The following CALN1 variants were observed in gnomAD, a reference collection of about 807,000 sequenced individuals.
CALN1 encodes the protein calcium-binding protein 8.
Under a neutral mutation model 30.6 loss-of-function variants are expected in CALN1, and 17 were observed. The ratio of observed to expected loss-of-function variants is 0.56; its 90% CI spans 0.38 to 0.83. The LOEUF (loss-of-function observed/expected upper bound fraction) is 0.83, where lower values mean the gene tolerates loss of function less well. CALN1 is among the 40% of genes least tolerant of loss of function. The pLI is 0.00. For missense variants in CALN1, 291 were observed against 354.9 expected, an observed-to-expected ratio of 0.82 and a Z score of 1.45; for synonymous variants, 156 against 131.4, an observed-to-expected ratio of 1.19 and a Z score of -1.28.
intron 3 of CALN1, among the ~76,000 whole-genome samples, chr7:72,131,502 C>T (rs190330145): frequency 6.6e-6 from 1 of 152,260 alleles, no homozygotes; most frequent in East Asian, 1.9e-4. Context: ...AATCTTGCTC[C>T]ATTCCCAGAT....
intron 5 of CALN1, among the ~76,000 whole-genome samples, chr7:71,817,499 TAC>T (rs1298450764): frequency 6.6e-6 from 1 of 152,226 alleles, no homozygotes; most frequent in African/African-American, 2.4e-5. Flanking sequence ...CAAATATATT[TAC>T]ATTTATTTGT....
At chr7:72,410,667 C>T (rs889699241) in intron 1 of CALN1, among the ~76,000 whole-genome samples, 3 of 152,196 alleles carry the variant, frequency 2.0e-5, no homozygotes, top group African/African-American at 7.2e-5. Context: ...AACCCTGGTT[C>T]TTCAAAATGA....
At chr7:72,203,979 C>CT (rs869149598) in intron 3 of CALN1, among the ~76,000 whole-genome samples, 2,134 of 83,646 alleles carry the variant, frequency 0.026, 424 homozygotes, top group African/African-American at 0.034. Context: ...AGGCCTCTCT[C>CT]TTTTTTTTTT....
chr7:72,054,448 C>CACGTAT (rs1563015491), intron 4 of CALN1, among the ~76,000 whole-genome samples: 5 of 102,248 alleles, frequency 4.9e-5, no homozygotes, highest in African/African-American at 1.2e-4. Context: ...TATATATATA[C>CACGTAT]ATATATATAC....
chr7:72,282,532 G>A (rs1000628573), intron 2 of CALN1, among the ~76,000 whole-genome samples: 4 of 152,174 alleles, frequency 2.6e-5, no homozygotes, highest in African/African-American at 7.2e-5. Context: ...AGGGTTGGAA[G>A]GAACTAGCAA....
At chr7:72,485,668 C>T in the CALN1 span, among the ~76,000 whole-genome samples, 3 of 152,116 alleles carry the variant, frequency 2.0e-5, no homozygotes, top group Admixed American at 6.5e-5. Flanking sequence ...ATCAGGAGTT[C>T]AAGACCAGCC....
the CALN1 span, among the ~76,000 whole-genome samples, chr7:72,479,570 T>TTTTTA: frequency 7.3e-6 from 1 of 137,622 alleles, no homozygotes; most frequent in African/African-American, 2.6e-5. Context: ...TTTTTTTTTT[T>TTTTTA]GAGATGGAGT....
chr7:71,923,216 ATGC>A (rs1445126433), intron 5 of CALN1, among the ~76,000 whole-genome samples: 2 of 152,164 alleles, frequency 1.3e-5, no homozygotes, highest in Non-Finnish European at 2.9e-5. Context: ...GGCACCCTTT[ATGC>A]TCATTTGTTC....
chr7:71,901,036 C>T (rs575924240), intron 5 of CALN1, among the ~76,000 whole-genome samples: 46 of 152,242 alleles, frequency 3.0e-4, no homozygotes, highest in Admixed American at 9.8e-4. Flanking sequence ...AGCAGCCCAC[C>T]GGACCCAGCT....
chr7:72,076,611 CAAAAAAAAAAAAAAAAAAAAAAAA>C (rs572245834), intron 4 of CALN1, among the ~76,000 whole-genome samples: 5 of 6,120 alleles, frequency 8.2e-4, no homozygotes, highest in Non-Finnish European at 1.6e-3. Context: ...AAAAAAAAAG[CAAAAAAAAAAAAAAAAAAAAAAAA>C]AAAAAAAAAA....
intron 3 of CALN1, among the ~76,000 whole-genome samples, chr7:72,133,008 A>G (rs967984639): frequency 6.6e-6 from 1 of 152,002 alleles, no homozygotes; most frequent in Non-Finnish European, 1.5e-5. Flanking sequence ...TAGGTTGGGC[A>G]CTCTTTATGA....
intron 2 of CALN1, among the ~76,000 whole-genome samples, chr7:72,315,921 A>T (rs1800410603): frequency 6.6e-6 from 1 of 152,030 alleles, no homozygotes; most frequent in Admixed American, 6.6e-5. Context: ...CTGAGGCAGG[A>T]GGATCACTTG....
chr7:72,427,885 T>C (rs2968504), intron 1 of CALN1, among the ~76,000 whole-genome samples: 122,703 of 151,918 alleles, frequency 0.81, 49,743 homozygotes, highest in East Asian at 1. Context: ...CAATGACTGT[T>C]GCGTGGTCCA....
chr7:72,045,843 T>C (rs1802430473), intron 4 of CALN1, among the ~76,000 whole-genome samples: 1 of 151,484 alleles, frequency 6.6e-6, no homozygotes, highest in African/African-American at 2.4e-5. Context: ...CTACTAAAAA[T>C]ACAAAAATTA....
intron 3 of CALN1, among the ~76,000 whole-genome samples, chr7:72,147,749 C>A (rs544495792): frequency 1.8e-4 from 27 of 151,868 alleles, no homozygotes; most frequent in Non-Finnish European, 2.8e-4. Context: ...ACATATACAC[C>A]ATGGAATACT....
intron 3 of CALN1, among the ~76,000 whole-genome samples, chr7:72,174,652 G>GTA (rs1242074664): frequency 1.3e-5 from 2 of 152,106 alleles, no homozygotes; most frequent in Non-Finnish European, 2.9e-5. Flanking sequence ...AGACACAAGA[G>GTA]TATATATATT....
intron 5 of CALN1, among the ~76,000 whole-genome samples, chr7:71,891,948 ATAAATAAAT>A (rs1405273626): frequency 7.7e-6 from 1 of 129,532 alleles, no homozygotes; most frequent in African/African-American, 3.4e-5. Flanking sequence ...CGTCTCAAAA[ATAAATAAAT>A]AAAAAAAAAA....
intron 2 of CALN1, among the ~76,000 whole-genome samples, chr7:72,293,086 G>C (rs1349401414): frequency 1.3e-5 from 2 of 152,130 alleles, no homozygotes; most frequent in Middle Eastern, 6.8e-3. Context: ...CTTTCTAACT[G>C]ATTTTATTCG....
chr7:71,978,341 G>A (rs990582685), intron 5 of CALN1, among the ~76,000 whole-genome samples: 18 of 139,618 alleles, frequency 1.3e-4, no homozygotes, highest in African/African-American at 2.7e-4. Context: ...GCGCTATCTC[G>A]GCTCACTGCA....
Sources: allele counts gnomAD v4.1 joint callset (sites outside exome capture counted in the v4.1 genomes callset), GRCh38; gene constraint gnomAD v4.1.1; transcripts MANE v1.5; gene names NCBI Gene and HGNC (gene_info 2026-07-23, HGNC 2026-07-21).